Variants in FAXC observed in about 807,000 individuals in gnomAD.
FAXC encodes the protein failed axon connections homolog.
A neutral mutation model predicts 41.9 loss-of-function variants in FAXC; 10 were observed. That is an observed-to-expected ratio of 0.24 (90% confidence interval 0.15 to 0.41). FAXC has a LOEUF of 0.41. Among genes scored for constraint, FAXC ranks in the 10% least tolerant of loss-of-function variants. The pLI, the probability that FAXC is intolerant of heterozygous loss-of-function variation, is 1.00. For missense variants in FAXC, 399 were observed against 510.9 expected, an observed-to-expected ratio of 0.78 and a Z score of 2.11; for synonymous variants, 183 against 183.8, an observed-to-expected ratio of 1.00 and a Z score of 0.03.
At chr6:99,318,260 A>AAAACACACACACACAC (rs1294149379) in intron 4 of FAXC, among the ~76,000 whole-genome samples, 9 of 64,818 alleles carry the variant, frequency 1.4e-4, no homozygotes, top group East Asian at 9.1e-4. Flanking sequence ...CTCCGTCTCA[A>AAAACACACACACACAC]ACACACACAC....
intron 4 of FAXC, among the ~76,000 whole-genome samples, chr6:99,301,086 T>C (rs758533931): frequency 6.6e-6 from 1 of 152,216 alleles, no homozygotes; most frequent in Non-Finnish European, 1.5e-5. Context: ...CACCAAAAAC[T>C]GGTAAAAATC....
At chr6:99,285,430 T>C (rs1770997466) in intron 5 of FAXC, among the ~76,000 whole-genome samples, 1 of 152,208 alleles carries the variant, frequency 6.6e-6, no homozygotes, top group Non-Finnish European at 1.5e-5. Context: ...AGATAATGTG[T>C]ATAGTATAAT....
At chr6:99,282,588 C>T (rs1166782379) in intron 5 of FAXC, among the ~76,000 whole-genome samples, 2 of 152,160 alleles carry the variant, frequency 1.3e-5, no homozygotes, top group Admixed American at 6.6e-5. Context: ...CTGAAACATG[C>T]CACTCTACCT....
chr6:99,331,898 T>G (rs1488210560), intron 3 of FAXC, among the ~76,000 whole-genome samples: 1 of 152,224 alleles, frequency 6.6e-6, no homozygotes. Flanking sequence ...GATGCAGTCA[T>G]GCATTCTGGT....
intron 2 of FAXC, among the ~76,000 whole-genome samples, chr6:99,338,109 TC>T (rs1773282073): frequency 6.6e-6 from 1 of 152,040 alleles, no homozygotes; most frequent in African/African-American, 2.4e-5. Flanking sequence ...CAACACAGCA[TC>T]CCTTTCTAAA....
Position 99,293,621 on chromosome 6 carries a change from C to G in FAXC, c.824-1801G>C, listed in dbSNP as rs558881651. ...AGCAGATATATCCTGCCTCTTGTCT[C>G]TCAGGCTTCTTGAGTGACATTTTTC... is the stretch of plus-strand genomic sequence containing the variant. On this transcript the variant is annotated intron_variant, in intron 4 of 5. Transcript: ENST00000389677. 1.6e-3 allele frequency among the ~76,000 whole-genome samples: 250 copies of G among 151,560 alleles called. 1 individual carries two copies. The highest frequency in any genetic ancestry group is 5.8e-3 in the African/African-American group (241 of 41,202).
chr6:99,324,366 C>T (rs968639511), intron 3 of FAXC, among the ~76,000 whole-genome samples: 1 of 152,114 alleles, frequency 6.6e-6, no homozygotes, highest in Admixed American at 6.5e-5. Context: ...CCACACCTAG[C>T]CTTTTTGCTT....
At chr6:99,325,140 TGA>T (rs751209392) in intron 3 of FAXC, among the ~76,000 whole-genome samples, 18 of 151,952 alleles carry the variant, frequency 1.2e-4, no homozygotes, top group Non-Finnish European at 4.4e-5. Flanking sequence ...AAAAATATTT[TGA>T]GAGAGAACTC....
At chr6:99,324,197 T>TA (rs11374266) in intron 3 of FAXC, among the ~76,000 whole-genome samples, 129,070 of 148,242 alleles carry the variant, frequency 0.87, 56,480 homozygotes, top group East Asian at 0.99. Flanking sequence ...ATAAAAGAGT[T>TA]AAAAAAAAAA....
At chr6:99,339,208 T>G (rs1773328180) in intron 2 of FAXC, among the ~76,000 whole-genome samples, 1 of 152,248 alleles carries the variant, frequency 6.6e-6, no homozygotes, top group Non-Finnish European at 1.5e-5. Context: ...CCAGTTGGTC[T>G]GTTACAACCT....
At chr6:99,295,136 G>A (rs570621737) in intron 4 of FAXC, among the ~76,000 whole-genome samples, 1 of 152,296 alleles carries the variant, frequency 6.6e-6, no homozygotes, top group South Asian at 2.1e-4. Flanking sequence ...CAGAAATCAG[G>A]TGTTTTCAAA....
chr6:99,347,081 G>C (rs1773620285), intron 1 of FAXC, among the ~76,000 whole-genome samples: 1 of 151,846 alleles, frequency 6.6e-6, no homozygotes, highest in South Asian at 2.1e-4. Flanking sequence ...GGGCAACATA[G>C]TGAGACCCCA....
chr6:99,294,116 A>C (rs935670846), intron 4 of FAXC, among the ~76,000 whole-genome samples: 1 of 152,214 alleles, frequency 6.6e-6, no homozygotes, highest in Non-Finnish European at 1.5e-5. Context: ...AGGACAATCA[A>C]GTCATTCACA....
chr6:99,295,339 G>C (rs1771441303), intron 4 of FAXC, among the ~76,000 whole-genome samples: 1 of 152,188 alleles, frequency 6.6e-6, no homozygotes, highest in African/African-American at 2.4e-5. Flanking sequence ...AATAATTTTA[G>C]ATTTACAGAA....
In FAXC at chr6:99,349,237, G is replaced by C; in HGVS notation, c.136C>G (p.Pro46Ala). Residue 46 changes from proline to alanine, a missense_variant, in exon 1 of 6, where the codon CCT (proline) becomes GCT (alanine). Transcript: ENST00000389677. ...FSFYGDIIAF[P>A]LQDYGGIMAG... ...ATGATCCCACCGTAATCCTGCAAAGGGAAAGCGATGATGTCCCCATAAAAG... is the reference window on the plus strand; with the variant it reads ...ATGATCCCACCGTAATCCTGCAAAGCGAAAGCGATGATGTCCCCATAAAAG... The C allele has an allele frequency of 6.2e-7, 1 of 1,613,934 alleles. No individual in the cohort carries two copies. The highest frequency in any genetic ancestry group is 8.5e-7 in the Non-Finnish European group (1 of 1,180,022).
chr6:99,290,096 C>T (rs1212771686), intron 5 of FAXC, among the ~76,000 whole-genome samples: 2 of 132,100 alleles, frequency 1.5e-5, no homozygotes, highest in Non-Finnish European at 3.2e-5. Flanking sequence ...CACCACCCTA[C>T]CCCACCACAC....
Position 99,349,379 on chromosome 6 carries a change from C to T in FAXC, c.-7G>A. The T allele has an allele frequency of 6.3e-7, 1 of 1,598,140 alleles. No homozygotes were observed. The highest frequency in any genetic ancestry group is 8.5e-7 in the Non-Finnish European group (1 of 1,172,740). ...AGCCAACCCCCCAGTGCATGCTGCG[C>T]GGCTGGCTCCGGGCGCCCCTCCCAG... On this transcript the variant is annotated 5_prime_UTR_variant, in exon 1 of 6. Coordinates refer to ENST00000389677, the MANE Select transcript of FAXC (RefSeq NM_032511.4).
intron 3 of FAXC, among the ~76,000 whole-genome samples, chr6:99,328,607 C>A (rs1315493099): frequency 1.3e-5 from 2 of 152,196 alleles, no homozygotes; most frequent in Non-Finnish European, 2.9e-5. Flanking sequence ...GCAGATGTTG[C>A]TCCCTCTGCC....
intron 5 of FAXC, among the ~76,000 whole-genome samples, chr6:99,287,730 C>G (rs1276265001): frequency 6.6e-6 from 1 of 152,178 alleles, no homozygotes; most frequent in Non-Finnish European, 1.5e-5. Context: ...CTACTTGTTT[C>G]TACTTAACCC....
Sources: allele counts gnomAD v4.1 joint callset (sites outside exome capture counted in the v4.1 genomes callset), GRCh38; gene constraint gnomAD v4.1.1; transcripts MANE v1.5; gene names NCBI Gene and HGNC (gene_info 2026-07-23, HGNC 2026-07-21).